The following LYPD6B variants were observed in gnomAD, a reference collection of about 807,000 sequenced individuals.
LYPD6B encodes ly6/PLAUR domain-containing protein 6B.
A neutral mutation model predicts 22.8 loss-of-function variants in LYPD6B; 17 were observed. The observed-to-expected ratio is 0.75, with a 90% CI of 0.51 to 1.12. The LOEUF (loss-of-function observed/expected upper bound fraction) is 1.12. Among genes scored for constraint, LYPD6B ranks in the 50% most tolerant of loss-of-function variants. The pLI, the probability that LYPD6B is intolerant of heterozygous loss-of-function variation, is 0.00. For synonymous variants in LYPD6B, 106 were observed against 91.6 expected (o/e 1.16, Z -0.90); for missense variants, 221 against 258.3 (o/e 0.86, Z 0.99).
At chr2:149,110,617 T>A (rs1182665286) in intron 1 of LYPD6B, among the ~76,000 whole-genome samples, 1 of 152,180 alleles carries the variant, frequency 6.6e-6, no homozygotes, top group African/African-American at 2.4e-5. Flanking sequence ...GGTTTTTCAA[T>A]CTGACTACTG....
intron 1 of LYPD6B, among the ~76,000 whole-genome samples, chr2:149,093,551 A>C (rs1685765501): frequency 6.6e-6 from 1 of 152,204 alleles, no homozygotes. Context: ...CTCTTTAAAC[A>C]TCAAATTCAG....
chr2:149,114,667 G>A (rs536958431), intron 1 of LYPD6B, among the ~76,000 whole-genome samples: 2 of 152,294 alleles, frequency 1.3e-5, no homozygotes, highest in South Asian at 2.1e-4. Context: ...AAACCCAAGC[G>A]TTCTTCCATC....
chr2:149,137,706 T>G (rs1688452358), intron 2 of LYPD6B, among the ~76,000 whole-genome samples: 2 of 152,074 alleles, frequency 1.3e-5, no homozygotes, highest in Non-Finnish European at 2.9e-5. Flanking sequence ...ATTTAGATTG[T>G]TTTCATTTTT....
At chr2:149,066,929 C>G (rs1217327462) in intron 1 of LYPD6B, among the ~76,000 whole-genome samples, 1 of 151,988 alleles carries the variant, frequency 6.6e-6, no homozygotes, top group African/African-American at 2.4e-5. Context: ...AGGATAGTAC[C>G]CAATAGTTAG....
chr2:149,205,925 A>G (rs1693481427), intron 4 of LYPD6B: 1 of 350,594 alleles, frequency 2.9e-6, no homozygotes, highest in South Asian at 2.6e-5. Flanking sequence ...AAATATTAGT[A>G]ACACATACAG....
chr2:149,122,219 G>T (rs1384822031), intron 1 of LYPD6B, among the ~76,000 whole-genome samples: 1 of 152,068 alleles, frequency 6.6e-6, no homozygotes, highest in Non-Finnish European at 1.5e-5. Context: ...ACTCAGCACT[G>T]CCGAGATCGT....
chr2:149,213,245 C>T (rs1357586665), intron 6 of LYPD6B, 123 bp downstream of exon 6: 13 of 1,298,280 alleles, frequency 1.0e-5, no homozygotes, highest in Non-Finnish European at 1.4e-5. Flanking sequence ...GGAAAGACTC[C>T]ATACAAAGAT....
At chr2:149,110,887 G>A (rs1316060838) in intron 1 of LYPD6B, among the ~76,000 whole-genome samples, 2 of 152,110 alleles carry the variant, frequency 1.3e-5, no homozygotes, top group African/African-American at 4.8e-5. Flanking sequence ...AGAACAATGG[G>A]GAGTGGAATA....
chr2:149,152,703 C>G (rs1472852551), intron 2 of LYPD6B, among the ~76,000 whole-genome samples: 1 of 152,178 alleles, frequency 6.6e-6, no homozygotes, highest in Non-Finnish European at 1.5e-5. Flanking sequence ...TGTCTTGGCA[C>G]TGGTGGGAGT....
At chr2:149,044,715 T>C (rs2105258857) in intron 1 of LYPD6B, among the ~76,000 whole-genome samples, 1 of 152,146 alleles carries the variant, frequency 6.6e-6, no homozygotes, top group Admixed American at 6.5e-5. Context: ...AATCTTTCAC[T>C]GTTAAGTATG....
rs1378126478 is a variant in LYPD6B, at chr2:149,214,671, A to G, written c.585A>G (p.Leu195=). 12 of 1,613,896 alleles carry G rather than the reference A, an allele frequency of 7.4e-6. No homozygotes were observed. Among genetic ancestry groups the G allele is most frequent in the Non-Finnish European group, 1.0e-5 (12 of 1,179,860 alleles). ...GCAGCAGTGCCCCCACACTCTACCT[A>G]CCAGTGCTTGCCTGGGTCTTTGTGC... ...TSGSSAPTLY[L]PVLAWVFVLP... Residue 195 remains leucine (L), a synonymous_variant, in exon 7 of 7, where the codon CTA becomes CTG. Transcript: ENST00000409642.
At chr2:149,189,342 T>TTATATATATATAATTATATA (rs1553500264) in intron 3 of LYPD6B, among the ~76,000 whole-genome samples, 4 of 66,112 alleles carry the variant, frequency 6.1e-5, no homozygotes, top group Non-Finnish European at 1.2e-4. Flanking sequence ...TTGTCCAAAA[T>TTATATATATATAATTATATA]TATATATATA....
intron 5 of LYPD6B, among the ~76,000 whole-genome samples, chr2:149,211,344 G>A (rs1693841483): frequency 6.6e-6 from 1 of 152,110 alleles, no homozygotes. Flanking sequence ...TAATGTTCTG[G>A]TTAAGAGTGC....
intron 2 of LYPD6B, among the ~76,000 whole-genome samples, chr2:149,158,774 T>C (rs1236758717): frequency 6.6e-6 from 1 of 152,186 alleles, no homozygotes; most frequent in Non-Finnish European, 1.5e-5. Flanking sequence ...ACATATAAAA[T>C]TTAAACTTTG....
At chr2:149,119,783 G>C (rs79627740) in intron 1 of LYPD6B, among the ~76,000 whole-genome samples, 1 of 152,142 alleles carries the variant, frequency 6.6e-6, no homozygotes, top group Admixed American at 6.5e-5. Flanking sequence ...TCATCCTACC[G>C]CTTCCTAGTG....
At chr2:149,192,415 A>G (rs1692553338) in intron 3 of LYPD6B, among the ~76,000 whole-genome samples, 1 of 149,090 alleles carries the variant, frequency 6.7e-6, no homozygotes, top group Non-Finnish European at 1.5e-5. Flanking sequence ...TGGCAGGGGC[A>G]AGTCTTTTTT....
At chr2:149,096,748 A>G (rs1685919604) in intron 1 of LYPD6B, among the ~76,000 whole-genome samples, 1 of 152,152 alleles carries the variant, frequency 6.6e-6, no homozygotes, top group South Asian at 2.1e-4. Context: ...GTGGGAAAAG[A>G]TAAGTTGCTG....
chr2:149,108,233 A>T (rs1171149851), intron 1 of LYPD6B, among the ~76,000 whole-genome samples: 1 of 152,146 alleles, frequency 6.6e-6, no homozygotes, highest in Admixed American at 6.6e-5. Flanking sequence ...TTCCACCATG[A>T]TTGTAAGGCT....
At chr2:149,045,310 T>A (rs79631354) in intron 1 of LYPD6B, among the ~76,000 whole-genome samples, 189 of 152,172 alleles carry the variant, frequency 1.2e-3, no homozygotes, top group African/African-American at 4.4e-3. Flanking sequence ...TCTTCAGTCT[T>A]TTTCTTGCTC....
Sources: allele counts gnomAD v4.1 joint callset (sites outside exome capture counted in the v4.1 genomes callset), GRCh38; gene constraint gnomAD v4.1.1; transcripts MANE v1.5; gene names NCBI Gene and HGNC (gene_info 2026-07-23, HGNC 2026-07-21).